Variants in CHCHD6 observed in about 807,000 individuals in gnomAD.
The protein encoded by CHCHD6 is MICOS complex subunit MIC25.
Under a neutral mutation model 32.3 loss-of-function variants are expected in CHCHD6, and 28 were observed. The ratio of observed to expected loss-of-function variants is 0.87; its 90% CI spans 0.64 to 1.19. The LOEUF (loss-of-function observed/expected upper bound fraction) is 1.19, where lower values mean the gene tolerates loss of function less well. CHCHD6 is among the 50% of genes most tolerant of loss of function. The pLI is 0.00. For synonymous variants in CHCHD6, 122 were observed against 117.5 expected (o/e 1.04, Z -0.25); for missense variants, 333 against 307.0 (o/e 1.08, Z -0.63).
chr3:126,872,393 A>G (rs1354268314), intron 5 of CHCHD6, among the ~76,000 whole-genome samples: 1 of 152,150 alleles, frequency 6.6e-6, no homozygotes. Flanking sequence ...TGCCAAGATG[A>G]AGAGATCCTA....
At chr3:126,711,193 C>T (rs1457273249) in intron 1 of CHCHD6, among the ~76,000 whole-genome samples, 1 of 152,150 alleles carries the variant, frequency 6.6e-6, no homozygotes, top group Non-Finnish European at 1.5e-5. Flanking sequence ...AGTGTCTGCT[C>T]ATTAATATAT....
At chr3:126,754,193 T>C (rs1936854654) in intron 4 of CHCHD6, among the ~76,000 whole-genome samples, 3 of 152,218 alleles carry the variant, frequency 2.0e-5, no homozygotes, top group Non-Finnish European at 4.4e-5. Context: ...TCTGTGTTAC[T>C]GAAACAAGTT....
At chr3:126,927,073 G>A (rs1379835144) in intron 6 of CHCHD6, among the ~76,000 whole-genome samples, 2 of 152,110 alleles carry the variant, frequency 1.3e-5, no homozygotes, top group African/African-American at 2.4e-5. Flanking sequence ...GGATCAGGGT[G>A]ATCTCTGACA....
Position 126,864,279 on chromosome 3 carries a change from T to A in CHCHD6, c.495+11549T>A, listed in dbSNP as rs1012035212. ...CATCTCCCCCTCCTCCATCACCACCTCCTCCTCCATCACCACCACCTCATC... is the reference window on the plus strand; with the variant it reads ...CATCTCCCCCTCCTCCATCACCACCACCTCCTCCATCACCACCACCTCATC... On this transcript the variant is annotated intron_variant, in intron 5 of 7. Coordinates refer to ENST00000290913, the MANE Select transcript of CHCHD6 (RefSeq NM_032343.3). Among the ~76,000 whole-genome samples, 14 of 139,162 alleles carry A rather than the reference T, an allele frequency of 1.0e-4. No homozygotes were observed. In the East Asian group the frequency reaches 2.4e-3, roughly 23 times the overall value. The allele number at this position is 139,162 out of a possible 152,430, so 91.3% of individuals were successfully genotyped here.
intron 6 of CHCHD6, among the ~76,000 whole-genome samples, chr3:126,931,038 G>A (rs138506148): frequency 0.012 from 1,812 of 152,340 alleles, 18 homozygotes; most frequent in Middle Eastern, 0.048. Context: ...CAGACTGGCT[G>A]CCCTGTCATC....
chr3:126,954,696 A>G (rs994803353), intron 6 of CHCHD6, among the ~76,000 whole-genome samples: 3 of 152,102 alleles, frequency 2.0e-5, no homozygotes, highest in African/African-American at 7.2e-5. Flanking sequence ...CCAGGGCCCC[A>G]TGAGGGCAGG....
At chr3:126,903,559 A>G (rs1055058213) in intron 5 of CHCHD6, among the ~76,000 whole-genome samples, 12 of 152,198 alleles carry the variant, frequency 7.9e-5, no homozygotes, top group Non-Finnish European at 1.6e-4. Flanking sequence ...CTGTTGTGCT[A>G]TGCATTTTGT....
In CHCHD6 at chr3:126,933,901, C is replaced by A. The variant is rs935723786; in HGVS notation, c.566+19151C>A. 2.0e-5 allele frequency among the ~76,000 whole-genome samples: 3 copies of A among 152,146 alleles called. 1 individual carries two copies. On this transcript the variant is annotated intron_variant, in intron 6 of 7. Coordinates refer to ENST00000290913, the MANE Select transcript of CHCHD6 (RefSeq NM_032343.3). ...AAAACTGATTGCAGCATCAAAATAC[C>A]CCCTTCTCCACACATACTGTCTCTC...
chr3:126,939,270 G>A (rs771595664), intron 6 of CHCHD6, among the ~76,000 whole-genome samples: 1 of 152,152 alleles, frequency 6.6e-6, no homozygotes, highest in South Asian at 2.1e-4. Context: ...GCCTTGGGAA[G>A]CCATCGGAAG....
intron 4 of CHCHD6, among the ~76,000 whole-genome samples, chr3:126,773,188 T>TTA (rs2107677806): frequency 6.6e-6 from 1 of 152,272 alleles, no homozygotes; most frequent in Non-Finnish European, 1.5e-5. Context: ...AATCTGATGA[T>TTA]TATATGTCTT....
rs1370665418 is a variant in CHCHD6 at position 126,960,274 on chromosome 3, C to G, written c.*73C>G. The G allele has an allele frequency of 2.6e-6, 4 of 1,532,380 alleles. No individual in the cohort carries two copies. Among genetic ancestry groups the G allele is most frequent in the Non-Finnish European group, 3.5e-6 (4 of 1,131,084 alleles). The allele number at this position is 1,532,380 out of a possible 1,614,324, so 94.9% of individuals were successfully genotyped here. On this transcript the variant is annotated 3_prime_UTR_variant, in exon 8 of 8. Transcript: ENST00000290913. ...AAGGGACCAATCATGGGACCACAGCCACTGTGCCCTGCCGTTTCCTGCTGG... is the reference window on the plus strand; with the variant it reads ...AAGGGACCAATCATGGGACCACAGCGACTGTGCCCTGCCGTTTCCTGCTGG...
intron 1 of CHCHD6, among the ~76,000 whole-genome samples, chr3:126,721,257 G>T (rs755148983): frequency 1.3e-5 from 2 of 152,160 alleles, no homozygotes; most frequent in Non-Finnish European, 2.9e-5. Flanking sequence ...TTCCTTCTGT[G>T]CTGGCTTCAT....
chr3:126,724,880 G>A (rs1346620073), intron 1 of CHCHD6, among the ~76,000 whole-genome samples: 1 of 152,138 alleles, frequency 6.6e-6, no homozygotes, highest in Non-Finnish European at 1.5e-5. Flanking sequence ...GTTCAAATTT[G>A]ATCCTGAGAT....
intron 1 of CHCHD6, among the ~76,000 whole-genome samples, chr3:126,710,954 A>G (rs1217318153): frequency 6.6e-6 from 1 of 152,092 alleles, no homozygotes; most frequent in Non-Finnish European, 1.5e-5. Context: ...CTCCAGTACA[A>G]TGCTAAATAG....
chr3:126,923,319 G>GT (rs983723464), intron 6 of CHCHD6, among the ~76,000 whole-genome samples: 1 of 152,084 alleles, frequency 6.6e-6, no homozygotes, highest in African/African-American at 2.4e-5. Context: ...AAATTGCTCT[G>GT]TTTAAAATTT....
chr3:126,955,854 C>T (rs948562557), intron 6 of CHCHD6, among the ~76,000 whole-genome samples: 1 of 152,152 alleles, frequency 6.6e-6, no homozygotes, highest in Non-Finnish European at 1.5e-5. Context: ...ACCTGCTCCT[C>T]CCTGCTCCCT....
chr3:126,767,392 G>A (rs992695099), intron 4 of CHCHD6: 7 of 754,994 alleles, frequency 9.3e-6, no homozygotes, highest in Non-Finnish European at 1.7e-5. Context: ...TGAGGCCCTC[G>A]ATGAGTCTGG....
At chr3:126,939,556 G>T (rs2078530240) in intron 6 of CHCHD6, among the ~76,000 whole-genome samples, 3 of 152,212 alleles carry the variant, frequency 2.0e-5, no homozygotes, top group South Asian at 4.1e-4. Context: ...CAGCAGCAAA[G>T]AAGAATGCCT....
chr3:126,744,706 G>A (rs932048408), intron 4 of CHCHD6, among the ~76,000 whole-genome samples: 4 of 151,592 alleles, frequency 2.6e-5, no homozygotes, highest in South Asian at 2.1e-4. Flanking sequence ...TTTTCTCCCC[G>A]AGACAGAGTC....
Sources: gnomAD v4.1 joint callset for allele counts (sites outside exome capture counted in the v4.1 genomes callset) on GRCh38, gnomAD v4.1.1 for gene constraint, MANE v1.5 for transcripts, NCBI Gene and HGNC (gene_info 2026-07-23, HGNC 2026-07-21) for gene names.